The following SH2D3C variants were observed in gnomAD, a reference collection of about 807,000 sequenced individuals.
SH2D3C encodes SH2 domain containing 3C, also known as SH2 domain-containing protein 3C.
Under a neutral mutation model 75.2 loss-of-function variants are expected in SH2D3C, and 25 were observed. That is an observed-to-expected ratio of 0.33 (90% confidence interval 0.24 to 0.46). The LOEUF is 0.46. Ranked by LOEUF, SH2D3C falls within the 20% of genes least tolerant of loss-of-function variation. The probability of loss-of-function intolerance (pLI) is 1.00; values close to 1 mark genes in which losing one functional copy is unlikely to be tolerated. For synonymous variants in SH2D3C, 450 were observed against 473.7 expected (o/e 0.95, Z 0.65); for missense variants, 933 against 1,165.3 (o/e 0.80, Z 2.90).
At chr9:127,740,911 G>T (rs1019022691) in intron 9 of SH2D3C, among the ~76,000 whole-genome samples, 19 of 152,200 alleles carry the variant, frequency 1.2e-4, no homozygotes, top group African/African-American at 4.6e-4. Context: ...TCAATCTCCT[G>T]ACCTTGTGCT....
intron 3 of SH2D3C, chr9:127,755,229 C>T: frequency 8.4e-7 from 1 of 1,190,952 alleles, no homozygotes; most frequent in Non-Finnish European, 1.0e-6. Flanking sequence ...GGCGCAGGGA[C>T]CAACCGGCTA....
chr9:127,760,614 GA>G (rs1010505989), intron 3 of SH2D3C, among the ~76,000 whole-genome samples: 5 of 151,044 alleles, frequency 3.3e-5, no homozygotes, highest in Admixed American at 2.6e-4. Context: ...ATAAAAAAAA[GA>G]AAAAAAAAGT....
chr9:127,768,593 C>T (rs1845677746), intron 2 of SH2D3C, among the ~76,000 whole-genome samples: 1 of 152,188 alleles, frequency 6.6e-6, no homozygotes, highest in Admixed American at 6.5e-5. Context: ...CTCAAAAAAA[C>T]ATCAAACACA....
chr9:127,752,478 G>A (rs1235835385), intron 3 of SH2D3C, among the ~76,000 whole-genome samples: 1 of 152,130 alleles, frequency 6.6e-6, no homozygotes, highest in Non-Finnish European at 1.5e-5. Context: ...GGACAGATGA[G>A]GGAGGGCAGT....
intron 2 of SH2D3C, among the ~76,000 whole-genome samples, chr9:127,763,522 G>A (rs142452153): frequency 2.2e-4 from 33 of 152,280 alleles, no homozygotes; most frequent in African/African-American, 7.9e-4. Context: ...AGAAGAGGTT[G>A]AAAGAAAGAA....
Position 127,747,157 on chromosome 9 carries a change from G to A in SH2D3C, c.1254C>T (p.Ala418=). 1.9e-6 allele frequency: 3 copies of A among 1,613,976 alleles called. No individual in the cohort carries two copies. Among genetic ancestry groups the A allele is most frequent in the Non-Finnish European group, 2.5e-6 (3 of 1,179,984 alleles). The change falls in exon 6 of 12, where the codon GCC becomes GCT. Residue 418 remains alanine, a synonymous_variant. Coordinates refer to ENST00000314830, the MANE Select transcript of SH2D3C (RefSeq NM_170600.3). ...CTCTGCTGGCCATACCAGTGCTGTA[G>A]GCAGGGGAGCTAGGGCTCTCGGAGA... ...SPISESPSSP[A]YSTVTRVHAA...
chr9:127,755,826 G>C (rs1193737666), intron 3 of SH2D3C, among the ~76,000 whole-genome samples: 1 of 152,268 alleles, frequency 6.6e-6, no homozygotes, highest in Admixed American at 6.5e-5. Flanking sequence ...ACTCCCACCA[G>C]CTCTTTCCCT....
intron 2 of SH2D3C, among the ~76,000 whole-genome samples, 169 bp downstream of exon 2, chr9:127,773,821 G>A (rs956157122): frequency 2.6e-5 from 4 of 151,946 alleles, no homozygotes; most frequent in Admixed American, 6.6e-5. Context: ...GGGGGGCTGA[G>A]GTAGGAGAAT....
chr9:127,750,390 G>C (rs146964093), intron 4 of SH2D3C, among the ~76,000 whole-genome samples: 1 of 152,096 alleles, frequency 6.6e-6, no homozygotes, highest in Non-Finnish European at 1.5e-5. Flanking sequence ...CCTGACCTCA[G>C]GTGATCTGCC....
In SH2D3C at chr9:127,765,907, A is replaced by G. The variant is rs1182801823; in HGVS notation, c.516-4257T>C. Among the ~76,000 whole-genome samples the G allele has an allele frequency of 3.3e-4, 50 of 152,360 alleles. 1 individual carries two copies. The highest frequency in any genetic ancestry group is 5.9e-5 in the Non-Finnish European group (4 of 68,040). ...TTGAGCTAAATCAGTCCCATTAATCATCAGCATTAATTATTTAAATAACCA... is the reference window on the plus strand; with the variant it reads ...TTGAGCTAAATCAGTCCCATTAATCGTCAGCATTAATTATTTAAATAACCA... On this transcript the variant is annotated intron_variant, in intron 2 of 11. Coordinates refer to ENST00000314830, the MANE Select transcript of SH2D3C (RefSeq NM_170600.3).
chr9:127,771,135 G>T, intron 2 of SH2D3C: 2 of 1,412,744 alleles, frequency 1.4e-6, no homozygotes, highest in East Asian at 2.7e-5. Flanking sequence ...TTCCTCCTTC[G>T]ACCTCTCCTG....
chr9:127,777,062 CT>C (rs1229428742), intron 1 of SH2D3C, among the ~76,000 whole-genome samples: 1 of 152,194 alleles, frequency 6.6e-6, no homozygotes, highest in Non-Finnish European at 1.5e-5. Flanking sequence ...GGATTGGGCC[CT>C]GCTCAATAGC....
At position 127,739,378 on chromosome 9, in the gene SH2D3C, C is replaced by T. The variant is rs954385785; in HGVS notation, c.2407+304G>A. Among the ~76,000 whole-genome samples the T allele has an allele frequency of 6.6e-6, 1 of 151,992 alleles. No homozygotes were observed. Among genetic ancestry groups the T allele is most frequent in the Non-Finnish European group, 1.5e-5 (1 of 68,020 alleles). On this transcript the variant is annotated intron_variant, in intron 11 of 11. Coordinates refer to ENST00000314830, the MANE Select transcript of SH2D3C (RefSeq NM_170600.3). This position sits in a 1 kb window ranked among gnomAD's most constrained non-coding sequence, Gnocchi z 4.3. Reference sequence around the variant, plus strand: ...ACAAAAAATTGGCCAGGTATGGTGGCTCACGCCTGTAATTGCAGCTACTCG... The same window carrying T: ...ACAAAAAATTGGCCAGGTATGGTGGTTCACGCCTGTAATTGCAGCTACTCG...
chr9:127,740,340 G>A lies in SH2D3C; in HGVS notation c.2118C>T (p.Thr706=). ...QISRLEQTWV[T]LRQRHTEGAI... ...CACCCTCTGTGTGTCGCTGCCGCAG[G>A]GTCACCCATGTCTGCTCCAGCCGAG... Residue 706 remains threonine (T), a synonymous_variant, in exon 10 of 12, where the codon ACC becomes ACT. Transcript: ENST00000314830. 6.2e-7 allele frequency: 1 copy of A among 1,614,106 alleles called. No homozygotes were observed.
chr9:127,778,069 T>C (rs1205953546), intron 1 of SH2D3C, among the ~76,000 whole-genome samples: 1 of 152,114 alleles, frequency 6.6e-6, no homozygotes, highest in Non-Finnish European at 1.5e-5. Context: ...CTCACTGCTA[T>C]CTCCACCTCC....
At chr9:127,755,423 G>T (rs1047712570) in intron 3 of SH2D3C, 13 of 267,422 alleles carry the variant, frequency 4.9e-5, no homozygotes, top group African/African-American at 2.7e-4. Flanking sequence ...AGTTCCGCGC[G>T]CTCGGGCTGC....
intron 2 of SH2D3C, chr9:127,771,459 G>A (rs775580643): frequency 1.8e-6 from 2 of 1,085,186 alleles, no homozygotes; most frequent in Admixed American, 7.9e-5. Flanking sequence ...CTCCGCCTGC[G>A]GTCTCGCTCC....
chr9:127,741,213 A>T (rs939688790), intron 9 of SH2D3C, among the ~76,000 whole-genome samples: 11 of 151,302 alleles, frequency 7.3e-5, no homozygotes, highest in Non-Finnish European at 1.0e-4. Context: ...GGAAATACTC[A>T]CTAAATGGTT....
In SH2D3C at chr9:127,751,809, G is replaced by A. The variant is rs1049924824; in HGVS notation, c.556-509C>T. Among the ~76,000 whole-genome samples, 1 of 152,218 alleles carries A rather than the reference G, an allele frequency of 6.6e-6. No individual in the cohort carries two copies. Among genetic ancestry groups the A allele is most frequent in the African/African-American group, 2.4e-5 (1 of 41,454 alleles). ...GGGGGATTTCTACAGGTGAATCTTG[G>A]AGGTAAGGCAGCAGGTAACTGCAGG... On this transcript the variant is annotated intron_variant, in intron 3 of 11. Transcript: ENST00000314830. This position sits in a 1 kb window ranked among gnomAD's most constrained non-coding sequence, Gnocchi z 4.1.
Sources: gnomAD v4.1 joint callset for allele counts (sites outside exome capture counted in the v4.1 genomes callset) on GRCh38, gnomAD v4.1.1 for gene constraint, Gnocchi (gnomAD v3.1) non-coding constraint, MANE v1.5 for transcripts, NCBI Gene and HGNC (gene_info 2026-07-23, HGNC 2026-07-21) for gene names.